Variants in ANKRD31 observed in about 807,000 individuals in gnomAD.
ANKRD31 encodes ankyrin repeat domain-containing protein 31.
In ANKRD31, 147 loss-of-function variants were observed where a neutral mutation model predicts 186.0. The observed-to-expected ratio is 0.79, with a 90% CI of 0.69 to 0.91. ANKRD31 has a LOEUF of 0.91. ANKRD31 is among the 40% of genes least tolerant of loss of function. ANKRD31 has a pLI of 0.00. For missense variants in ANKRD31, 1,986 were observed against 2,148.8 expected (o/e 0.92, Z 1.50); for synonymous variants, 673 against 736.4 (o/e 0.91, Z 1.39).
intron 6 of ANKRD31, among the ~76,000 whole-genome samples, chr5:75,197,157 C>A: frequency 6.6e-6 from 1 of 152,148 alleles, no homozygotes. Context: ...CTGCTTCGGC[C>A]TCCCAAAGTA....
intron 22 of ANKRD31, among the ~76,000 whole-genome samples, chr5:75,101,204 G>A (rs1746847679): frequency 6.6e-6 from 1 of 152,172 alleles, no homozygotes; most frequent in African/African-American, 2.4e-5. Flanking sequence ...CGCTGGATAT[G>A]AAATTCTGGG....
rs115252516 is a variant in ANKRD31, at chr5:75,224,421, G to A, written c.179-2063C>T. 8.0e-3 allele frequency among the ~76,000 whole-genome samples: 1,221 copies of A among 151,686 alleles called. 27 individuals are homozygous for A. Among genetic ancestry groups the A allele is most frequent in the African/African-American group, 0.027 (1,130 of 41,398 alleles). On this transcript the variant is annotated intron_variant, in intron 2 of 25. Coordinates refer to ENST00000506364, the MANE Select transcript of ANKRD31 (RefSeq NM_001372053.1). ...CTAAAGCTAAGGATGATAAAATAAT[G>A]TAGTGATGAAAAAGTCACAGAAATA...
chr5:75,086,875 G>A (rs180910526), intron 23 of ANKRD31, among the ~76,000 whole-genome samples: 14 of 151,718 alleles, frequency 9.2e-5, no homozygotes, highest in South Asian at 2.1e-4. Context: ...GTGTGTACGC[G>A]CACGTGTGCA....
intron 11 of ANKRD31, among the ~76,000 whole-genome samples, chr5:75,166,470 TAAAACA>T (rs1029931674): frequency 4.6e-5 from 7 of 152,050 alleles, no homozygotes; most frequent in East Asian, 1.9e-4. Context: ...AACTCTTGTC[TAAAACA>T]AAAACAAAAA....
intron 4 of ANKRD31, among the ~76,000 whole-genome samples, chr5:75,208,661 A>G (rs1451973325): frequency 1.3e-5 from 2 of 152,224 alleles, no homozygotes; most frequent in Non-Finnish European, 2.9e-5. Context: ...TTCTTCTGAC[A>G]GCAGCTCCAA....
intron 15 of ANKRD31, among the ~76,000 whole-genome samples, chr5:75,141,403 C>G (rs1477932): frequency 6.6e-6 from 1 of 151,844 alleles, no homozygotes; most frequent in Non-Finnish European, 1.5e-5. Context: ...AATTATATCT[C>G]AGATTGCAGG....
intron 22 of ANKRD31, among the ~76,000 whole-genome samples, chr5:75,098,311 C>T (rs1298840701): frequency 6.6e-6 from 1 of 152,084 alleles, no homozygotes; most frequent in African/African-American, 2.4e-5. Flanking sequence ...GGTACCAGTA[C>T]CATGCTGTTT....
At chr5:75,097,969 G>C (rs1227526492) in intron 22 of ANKRD31, among the ~76,000 whole-genome samples, 1 of 151,672 alleles carries the variant, frequency 6.6e-6, no homozygotes, top group Non-Finnish European at 1.5e-5. Flanking sequence ...GATCGTTGTA[G>C]ATGTGTGGTA....
chr5:75,131,632 G>C (rs1166872747), intron 17 of ANKRD31, among the ~76,000 whole-genome samples: 1 of 152,180 alleles, frequency 6.6e-6, no homozygotes, highest in Non-Finnish European at 1.5e-5. Context: ...AGACTTAAAC[G>C]TCCCTGTCTG....
At chr5:75,171,696 T>TA (rs199717543) in intron 10 of ANKRD31, among the ~76,000 whole-genome samples, 12 of 148,286 alleles carry the variant, frequency 8.1e-5, no homozygotes, top group African/African-American at 1.5e-4. Flanking sequence ...ATAATACAAC[T>TA]AAAAAAAAAC....
chr5:75,227,966 GT>G (rs1757730252), intron 2 of ANKRD31, among the ~76,000 whole-genome samples: 1 of 152,176 alleles, frequency 6.6e-6, no homozygotes, highest in Admixed American at 6.5e-5. Context: ...AGATGGAACA[GT>G]TTCATCCTGA....
chr5:75,205,738 T>A (rs973954017), intron 5 of ANKRD31, among the ~76,000 whole-genome samples: 1 of 152,152 alleles, frequency 6.6e-6, no homozygotes, highest in Non-Finnish European at 1.5e-5. Context: ...ATCCTTTTCT[T>A]ATAATACTAG....
At chr5:75,183,921 G>A (rs982248210) in intron 10 of ANKRD31, among the ~76,000 whole-genome samples, 2 of 152,008 alleles carry the variant, frequency 1.3e-5, no homozygotes, top group African/African-American at 4.8e-5. Flanking sequence ...TAAAATTCAT[G>A]TAGAACCACA....
chr5:75,074,106 T>C (rs923883449), intron 25 of ANKRD31, among the ~76,000 whole-genome samples: 4 of 152,138 alleles, frequency 2.6e-5, no homozygotes, highest in African/African-American at 7.2e-5. Flanking sequence ...CATAGGACTT[T>C]AGGAAATTAC....
At chr5:75,136,381 G>T (rs1402319129) in intron 17 of ANKRD31, among the ~76,000 whole-genome samples, 1 of 152,098 alleles carries the variant, frequency 6.6e-6, no homozygotes, top group Non-Finnish European at 1.5e-5. Flanking sequence ...CTCAAAAGAA[G>T]ACATTTATGC....
chr5:75,111,917 T>C (rs894006116), intron 20 of ANKRD31, among the ~76,000 whole-genome samples: 1 of 152,184 alleles, frequency 6.6e-6, no homozygotes, highest in Non-Finnish European at 1.5e-5. Flanking sequence ...TCCACTGCAC[T>C]ATTTCTGATC....
intron 5 of ANKRD31, among the ~76,000 whole-genome samples, chr5:75,199,984 T>C (rs1020004795): frequency 6.6e-6 from 1 of 152,208 alleles, no homozygotes; most frequent in Non-Finnish European, 1.5e-5. Flanking sequence ...TGTAACTACA[T>C]AGGAAAAAGA....
intron 8 of ANKRD31, 112 bp downstream of exon 8, chr5:75,193,195 AAAAT>A: frequency 8.2e-7 from 1 of 1,218,168 alleles, no homozygotes; most frequent in Non-Finnish European, 1.1e-6. Context: ...AATAATATAA[AAAAT>A]AAAGCTCTTT....
At chr5:75,171,854 A>AG (rs972861187) in intron 10 of ANKRD31, among the ~76,000 whole-genome samples, 5 of 151,838 alleles carry the variant, frequency 3.3e-5, no homozygotes, top group African/African-American at 1.2e-4. Flanking sequence ...TAAGAAAGAA[A>AG]AAAAAAAAAC....
Sources: allele counts gnomAD v4.1 joint callset (sites outside exome capture counted in the v4.1 genomes callset), GRCh38; gene constraint gnomAD v4.1.1; transcripts MANE v1.5; gene names NCBI Gene and HGNC (gene_info 2026-07-23, HGNC 2026-07-21).